ARHGAP35: variants seen among roughly 807,000 people sequenced by gnomAD.
The protein encoded by ARHGAP35 is Rho GTPase activating protein 35.
A neutral mutation model predicts 111.1 loss-of-function variants in ARHGAP35; 15 were observed. That is an observed-to-expected ratio of 0.13 (90% CI 0.09 to 0.21). The LOEUF (loss-of-function observed/expected upper bound fraction) is 0.21, where lower values mean the gene tolerates loss of function less well. Among genes scored for constraint, ARHGAP35 ranks in the 10% least tolerant of loss-of-function variants. ARHGAP35 has a pLI of 1.00. For missense variants in ARHGAP35, 1,262 were observed against 1,873.0 expected (o/e 0.67, Z 6.02); for synonymous variants, 643 against 710.3 (o/e 0.91, Z 1.51).
chr19:46,891,880 G>A (rs565775488), intron 1 of ARHGAP35, among the ~76,000 whole-genome samples: 6 of 152,054 alleles, frequency 3.9e-5, no homozygotes, highest in African/African-American at 7.2e-5. Context: ...GATGGCTCAC[G>A]CCTTAATCCC....
chr19:46,911,677 T>G (rs1032681564), intron 1 of ARHGAP35, among the ~76,000 whole-genome samples: 1 of 152,286 alleles, frequency 6.6e-6, no homozygotes, highest in Admixed American at 6.5e-5. Flanking sequence ...AGAATAGGGG[T>G]ATTGCTTCAG....
chr19:46,870,244 C>A (rs1415633255), intron 1 of ARHGAP35, among the ~76,000 whole-genome samples: 2 of 151,296 alleles, frequency 1.3e-5, no homozygotes, highest in Non-Finnish European at 2.9e-5. Context: ...CTACCACGCC[C>A]GGCTTGTATA....
chr19:46,970,220 TA>T (rs755024865), intron 3 of ARHGAP35, among the ~76,000 whole-genome samples: 54 of 152,356 alleles, frequency 3.5e-4, no homozygotes, highest in Middle Eastern at 3.4e-3. Flanking sequence ...TACCCAGCCC[TA>T]AGCTATTTCC....
At position 46,993,115 on chromosome 19, in the gene ARHGAP35, G is replaced by A. The variant is rs2056687876; in HGVS notation, c.4036+3440G>A. Among the ~76,000 whole-genome samples, 1 of 152,250 alleles carries A rather than the reference G, an allele frequency of 6.6e-6. No individual in the cohort carries two copies. Among genetic ancestry groups the A allele is most frequent in the South Asian group, 2.1e-4 (1 of 4,838 alleles). On this transcript the variant is annotated intron_variant, in intron 5 of 6. Coordinates refer to ENST00000672722, the MANE Select transcript of ARHGAP35 (RefSeq NM_004491.5). The surrounding 1 kb of genome is among the most constrained non-coding windows in gnomAD (Gnocchi z 4.6). The stretch of plus-strand genomic sequence containing the variant: ...TCCCAGGCTCAGTCTGGTGGGACAG[G>A]ACATTCAACAGGTGATTGCAAAGCC...
intron 1 of ARHGAP35, among the ~76,000 whole-genome samples, chr19:46,888,317 T>TATATATAAAA (rs1568461153): frequency 1.9e-5 from 1 of 53,314 alleles, no homozygotes; most frequent in Non-Finnish European, 3.5e-5. Context: ...TATATATATA[T>TATATATAAAA]AAAATATTGA....
chr19:46,873,824 C>T (rs1290695891), intron 1 of ARHGAP35, among the ~76,000 whole-genome samples: 3 of 151,998 alleles, frequency 2.0e-5, no homozygotes, highest in Non-Finnish European at 4.4e-5. Flanking sequence ...TCTCGGCTCA[C>T]TGCAACTTCC....
At chr19:46,987,968 A>G (rs1392629717) in intron 3 of ARHGAP35, 21 bp from the exon 4 acceptor site, 1 of 1,612,548 alleles carries the variant, frequency 6.2e-7, no homozygotes, top group Admixed American at 1.7e-5. Context: ...TGCTCCTAAG[A>G]CCCTGCCTGT....
At chr19:46,876,042 C>T (rs536042287) in intron 1 of ARHGAP35, among the ~76,000 whole-genome samples, 1 of 152,174 alleles carries the variant, frequency 6.6e-6, no homozygotes, top group Non-Finnish European at 1.5e-5. Flanking sequence ...ACCTGCTCTG[C>T]ACCCTCCGAC....
chr19:47,000,451 C>T lies in ARHGAP35; in HGVS notation c.4263C>T (p.Tyr1421=), dbSNP rs2056739951. Residue 1421 remains tyrosine, a synonymous_variant, in exon 7 of 7, where the codon TAC becomes TAT. Transcript: ENST00000672722. This position sits in a 1 kb window ranked among gnomAD's most constrained non-coding sequence, Gnocchi z 6.9. ...TMDALTATRT[Y]QTIIELFIQQ... Reference sequence around the variant, plus strand: ...ACGCCCTCACAGCCACGCGCACCTACCAGACAATCATTGAACTCTTTATCC... The same window carrying T: ...ACGCCCTCACAGCCACGCGCACCTATCAGACAATCATTGAACTCTTTATCC... 1.2e-6 allele frequency: 2 copies of T among 1,613,950 alleles called. No individual in the cohort carries two copies. The highest frequency in any genetic ancestry group is 1.1e-5 in the South Asian group (1 of 91,078).
chr19:46,900,306 C>G (rs2056078349), intron 1 of ARHGAP35, among the ~76,000 whole-genome samples: 1 of 150,308 alleles, frequency 6.7e-6, no homozygotes, highest in Non-Finnish European at 1.5e-5. Flanking sequence ...ACTGCAGCCT[C>G]CTCCTCCCAG....
At chr19:46,872,351 CT>C (rs906715175) in intron 1 of ARHGAP35, among the ~76,000 whole-genome samples, 3 of 148,934 alleles carry the variant, frequency 2.0e-5, no homozygotes, top group Admixed American at 1.3e-4. Context: ...GTGATTAAAA[CT>C]TTTTTTTTAA....
intron 1 of ARHGAP35, among the ~76,000 whole-genome samples, chr19:46,891,773 A>G (rs949417630): frequency 6.6e-6 from 1 of 152,120 alleles, no homozygotes; most frequent in African/African-American, 2.4e-5. Flanking sequence ...GTGTAAGTCC[A>G]TTCTATTTTC....
chr19:46,939,111 G>C (rs2056329186), intron 3 of ARHGAP35, among the ~76,000 whole-genome samples: 1 of 151,902 alleles, frequency 6.6e-6, no homozygotes, highest in African/African-American at 2.4e-5. Flanking sequence ...AGTCCATTCT[G>C]TACCCAAAGC....
rs969387525 is a variant in ARHGAP35 at position 46,922,965 on chromosome 19, C to T, written c.3681+609C>T. Among the ~76,000 whole-genome samples, 1 of 152,168 alleles carries T rather than the reference C, an allele frequency of 6.6e-6. No individual in the cohort carries two copies. Among genetic ancestry groups the T allele is most frequent in the African/African-American group, 2.4e-5 (1 of 41,440 alleles). On this transcript the variant is annotated intron_variant, in intron 2 of 6. Transcript: ENST00000672722. The surrounding 1 kb of genome is among the most constrained non-coding windows in gnomAD (Gnocchi z 4.0). ...TATTATTTTATCTTCAAGGGAGTTG[C>T]TGCTGCTATCAGTCAGAAACTCGGA...
intron 3 of ARHGAP35, among the ~76,000 whole-genome samples, chr19:46,954,531 T>C (rs1216997890): frequency 6.6e-6 from 1 of 152,230 alleles, no homozygotes; most frequent in Non-Finnish European, 1.5e-5. Context: ...CGCCTTTGTG[T>C]AGTGCCCGGC....
chr19:46,881,031 G>C (rs989836290), intron 1 of ARHGAP35, among the ~76,000 whole-genome samples: 1 of 145,336 alleles, frequency 6.9e-6, no homozygotes, highest in African/African-American at 2.6e-5. Flanking sequence ...CACAATCTCC[G>C]CCTCCTGGGT....
In ARHGAP35 at chr19:46,921,643, G is replaced by A. The variant is rs1215048940; in HGVS notation, c.2968G>A (p.Glu990Lys). 3 of 1,613,888 alleles carry A rather than the reference G, an allele frequency of 1.9e-6. No individual in the cohort carries two copies. The highest frequency in any genetic ancestry group is 1.7e-5 in the Admixed American group (1 of 59,998). Residue 990 changes from glutamate (E) to lysine (K), a missense_variant, in exon 2 of 7, where the codon GAG (glutamate) becomes AAG (lysine). This residue lies in a region of ARHGAP35 where 579 missense variants were observed against 716.9 expected (regional missense o/e 0.81). Coordinates refer to ENST00000672722, the MANE Select transcript of ARHGAP35 (RefSeq NM_004491.5). This position sits in a 1 kb window ranked among gnomAD's most constrained non-coding sequence, Gnocchi z 4.3. ...CCTGCAGGATTCAGAAGAAGATATC[G>A]AGCCATCTTACAGCCTGTTTCGAGA... is the stretch of plus-strand genomic sequence containing the variant. The part of the protein sequence containing the change: ...SNLQDSEEDI[E>K]PSYSLFREDT...
chr19:46,865,401 C>T (rs2063740992), intron 1 of ARHGAP35, among the ~76,000 whole-genome samples: 1 of 152,178 alleles, frequency 6.6e-6, no homozygotes, highest in Admixed American at 6.6e-5. Flanking sequence ...ACCTGCCCGC[C>T]ATTTTCCTTG....
intron 3 of ARHGAP35, among the ~76,000 whole-genome samples, chr19:46,955,773 T>C (rs1466743423): frequency 6.6e-6 from 1 of 152,124 alleles, no homozygotes; most frequent in Non-Finnish European, 1.5e-5. Context: ...TTAAACCATT[T>C]AAGAAAAAAA....
Sources: gnomAD v4.1 joint callset for allele counts (sites outside exome capture counted in the v4.1 genomes callset) on GRCh38, gnomAD v4.1.1 for gene constraint, gnomAD v4.1.1 regional missense constraint, Gnocchi (gnomAD v3.1) non-coding constraint, MANE v1.5 for transcripts, NCBI Gene and HGNC (gene_info 2026-07-23, HGNC 2026-07-21) for gene names.